Variants in GRIN2B observed in about 807,000 individuals in gnomAD.
GRIN2B encodes the protein glutamate receptor ionotropic, NMDA 2B.
A neutral mutation model predicts 114.5 loss-of-function variants in GRIN2B; 5 were observed. The ratio of observed to expected loss-of-function variants is 0.04; its 90% CI spans 0.02 to 0.09. GRIN2B has a LOEUF of 0.09. Among genes scored for constraint, GRIN2B ranks in the 10% least tolerant of loss-of-function variants. The pLI is 1.00. For missense variants in GRIN2B, 1,108 were observed against 1,943.5 expected (o/e 0.57, Z 8.08); for synonymous variants, 787 against 745.1 (o/e 1.06, Z -0.92).
chr12:13,934,698 A>C (rs1041132220), intron 2 of GRIN2B, among the ~76,000 whole-genome samples: 1 of 144,126 alleles, frequency 6.9e-6, no homozygotes, highest in African/African-American at 3.0e-5. Context: ...CACTGGCAGG[A>C]AGCCAAGACC....
At chr12:13,653,078 T>C (rs1227867340) in intron 5 of GRIN2B, among the ~76,000 whole-genome samples, 11 of 152,016 alleles carry the variant, frequency 7.2e-5, no homozygotes. Context: ...AAGAAGGAAA[T>C]TGCAGTAATT....
chr12:13,694,413 G>A (rs1950240642), intron 4 of GRIN2B, among the ~76,000 whole-genome samples: 1 of 151,904 alleles, frequency 6.6e-6, no homozygotes, highest in Non-Finnish European at 1.5e-5. Context: ...TGAACATGGG[G>A]ATAAGTAAGA....
chr12:13,749,289 G>A (rs978847015), intron 4 of GRIN2B, among the ~76,000 whole-genome samples: 2 of 152,176 alleles, frequency 1.3e-5, no homozygotes, highest in Non-Finnish European at 1.5e-5. Flanking sequence ...GTAGACTTAG[G>A]AACTTTCCCC....
At chr12:13,954,422 A>G (rs563495363) in intron 2 of GRIN2B, among the ~76,000 whole-genome samples, 221 of 152,104 alleles carry the variant, frequency 1.5e-3, no homozygotes, top group African/African-American at 5.3e-3. Context: ...GAGCACTTCT[A>G]CCTCCTCAGC....
At chr12:13,979,852 G>A (rs1161113963) in intron 2 of GRIN2B, 76 bp downstream of exon 2, 9 of 152,130 alleles carry the variant, frequency 5.9e-5, no homozygotes, top group Admixed American at 5.2e-4. Flanking sequence ...AGATCCACTT[G>A]AGGGACTCGA....
intron 3 of GRIN2B, among the ~76,000 whole-genome samples, chr12:13,824,839 G>A (rs1468017209): frequency 1.0e-3 from 128 of 128,296 alleles, no homozygotes; most frequent in Middle Eastern, 0.013. Context: ...CTGGGCAACA[G>A]AGCGAGACTC....
chr12:13,952,967 A>C (rs144141357), intron 2 of GRIN2B, among the ~76,000 whole-genome samples: 1 of 151,138 alleles, frequency 6.6e-6, no homozygotes, highest in Non-Finnish European at 1.5e-5. Context: ...GAGGGTTAGG[A>C]GTTTGGGTAG....
intron 10 of GRIN2B, among the ~76,000 whole-genome samples, chr12:13,583,892 G>A (rs1037516716): frequency 1.3e-5 from 2 of 152,162 alleles, no homozygotes; most frequent in African/African-American, 4.8e-5. Context: ...GTGCTCAGGT[G>A]TAGCTATTGT....
intron 2 of GRIN2B, among the ~76,000 whole-genome samples, chr12:13,901,096 A>C (rs1218758342): frequency 6.6e-6 from 1 of 152,190 alleles, no homozygotes; most frequent in Non-Finnish European, 1.5e-5. Context: ...AAATTTCCAC[A>C]AGCAGTGTAG....
intron 3 of GRIN2B, among the ~76,000 whole-genome samples, chr12:13,767,132 C>T (rs994952687): frequency 9.2e-5 from 14 of 151,970 alleles, no homozygotes; most frequent in African/African-American, 2.2e-4. Flanking sequence ...TGGTGGCGGG[C>T]GCCTGTAGTA....
intron 2 of GRIN2B, among the ~76,000 whole-genome samples, chr12:13,879,409 G>A (rs1866037385): frequency 6.6e-6 from 1 of 151,860 alleles, no homozygotes; most frequent in Non-Finnish European, 1.5e-5. Flanking sequence ...TCATTATAGG[G>A]CACATGACCG....
chr12:13,900,308 G>C (rs1408931464), intron 2 of GRIN2B, among the ~76,000 whole-genome samples: 1 of 151,572 alleles, frequency 6.6e-6, no homozygotes, highest in Non-Finnish European at 1.5e-5. Flanking sequence ...ACCCCGTCTC[G>C]ACTGAAAATA....
chr12:13,877,839 G>A (rs1866012563), intron 2 of GRIN2B, among the ~76,000 whole-genome samples: 1 of 152,048 alleles, frequency 6.6e-6, no homozygotes, highest in Non-Finnish European at 1.5e-5. Flanking sequence ...GAAGCAGGCG[G>A]ATCACTTGAG....
chr12:13,770,848 A>G (rs1863894444), intron 3 of GRIN2B, among the ~76,000 whole-genome samples: 2 of 152,172 alleles, frequency 1.3e-5, no homozygotes, highest in African/African-American at 2.4e-5. Flanking sequence ...TCTGTAATGG[A>G]TTCTATCTGA....
intron 4 of GRIN2B, among the ~76,000 whole-genome samples, chr12:13,699,438 C>G (rs2136566707): frequency 6.6e-6 from 1 of 152,144 alleles, no homozygotes; most frequent in East Asian, 1.9e-4. Context: ...CAAGAATTAA[C>G]ATGTATCACT....
At chr12:13,806,507 C>T (rs34487084) in intron 3 of GRIN2B, among the ~76,000 whole-genome samples, 23,738 of 152,120 alleles carry the variant, frequency 0.16, 2,506 homozygotes, top group Non-Finnish European at 0.24. Context: ...TACCTGTTGG[C>T]TTTTTGTATG....
intron 10 of GRIN2B, among the ~76,000 whole-genome samples, chr12:13,607,146 A>G (rs1200204278): frequency 5.5e-5 from 7 of 127,780 alleles, no homozygotes; most frequent in African/African-American, 2.1e-4. Context: ...CATGCACTCA[A>G]AAAAAATATA....
At chr12:13,569,604 T>G (rs1948682325) in intron 12 of GRIN2B, among the ~76,000 whole-genome samples, 1 of 152,200 alleles carries the variant, frequency 6.6e-6, no homozygotes, top group East Asian at 1.9e-4. Context: ...ACGTCTAGTC[T>G]CTGGAAATGT....
At chr12:13,806,343 G>T (rs573392309) in intron 3 of GRIN2B, among the ~76,000 whole-genome samples, 2 of 151,916 alleles carry the variant, frequency 1.3e-5, no homozygotes, top group African/African-American at 4.8e-5. Flanking sequence ...TCTCACCCAC[G>T]GTGTGCAAGT....
Sources: allele counts gnomAD v4.1 joint callset (sites outside exome capture counted in the v4.1 genomes callset), GRCh38; gene constraint gnomAD v4.1.1; transcripts MANE v1.5; gene names NCBI Gene and HGNC (gene_info 2026-07-23, HGNC 2026-07-21).